GBE1: variants seen among roughly 807,000 people sequenced by gnomAD.
The protein encoded by GBE1 is 1,4-alpha-glucan-branching enzyme.
A neutral mutation model predicts 88.8 loss-of-function variants in GBE1; 70 were observed. The observed-to-expected ratio is 0.79, with a 90% CI of 0.65 to 0.96. The LOEUF is 0.96. GBE1 is among the 40% of genes least tolerant of loss of function. The probability of loss-of-function intolerance (pLI) is 0.00; values close to 1 mark genes in which losing one functional copy is unlikely to be tolerated. For synonymous variants in GBE1, 284 were observed against 300.1 expected (o/e 0.95, Z 0.56); for missense variants, 872 against 871.0 (o/e 1.00, Z -0.01).
intron 12 of GBE1, among the ~76,000 whole-genome samples, chr3:81,541,437 T>C (rs1703141441): frequency 6.7e-6 from 1 of 150,322 alleles, no homozygotes; most frequent in Non-Finnish European, 1.5e-5. Flanking sequence ...ATAATGGTGA[T>C]GGGCTGCAAG....
At chr3:81,617,620 C>T (rs1704265840) in intron 7 of GBE1, among the ~76,000 whole-genome samples, 2 of 151,810 alleles carry the variant, frequency 1.3e-5, no homozygotes, top group African/African-American at 4.8e-5. Flanking sequence ...ATTGTATTTG[C>T]TAATATCTTG....
intron 7 of GBE1, among the ~76,000 whole-genome samples, chr3:81,630,018 C>T (rs1365383385): frequency 1.3e-5 from 2 of 152,076 alleles, no homozygotes; most frequent in Non-Finnish European, 2.9e-5. Context: ...TTTCCAGCTT[C>T]ATCCATGTCC....
At chr3:81,701,395 TGGCAAATCTGCCTTAGTTTTGGCAAAACA>T (rs1271751637) in intron 2 of GBE1, among the ~76,000 whole-genome samples, 22 of 152,276 alleles carry the variant, frequency 1.4e-4, no homozygotes, top group African/African-American at 5.3e-4. Context: ...AAAATGTGGA[TGGCAAATCTGCCTTAGTTTTGGCAAAACA>T]GACTATTTTA....
chr3:81,707,239 G>A (rs1256439771), intron 1 of GBE1, among the ~76,000 whole-genome samples: 1 of 151,802 alleles, frequency 6.6e-6, no homozygotes, highest in Non-Finnish European at 1.5e-5. Flanking sequence ...GCAGAAAAAG[G>A]CAACATTAAT....
chr3:81,668,653 T>C (rs1705147579), intron 3 of GBE1, among the ~76,000 whole-genome samples: 1 of 152,164 alleles, frequency 6.6e-6, no homozygotes, highest in Admixed American at 6.5e-5. Context: ...GGTCTAGTAA[T>C]GAGGTAATGA....
At chr3:81,598,669 A>G (rs902873628) in intron 7 of GBE1, among the ~76,000 whole-genome samples, 2 of 151,966 alleles carry the variant, frequency 1.3e-5, no homozygotes, top group African/African-American at 4.8e-5. Context: ...CTAGTAGTAG[A>G]TAACAGTATC....
At chr3:81,556,816 G>A (rs1425394181) in intron 12 of GBE1, among the ~76,000 whole-genome samples, 1 of 151,970 alleles carries the variant, frequency 6.6e-6, no homozygotes, top group Non-Finnish European at 1.5e-5. Context: ...TTTTTTAAAA[G>A]GCACAATGAT....
At chr3:81,505,647 T>C (rs1468187898) in intron 14 of GBE1, among the ~76,000 whole-genome samples, 1 of 152,196 alleles carries the variant, frequency 6.6e-6, no homozygotes, top group African/African-American at 2.4e-5. Context: ...TTCTCTAGTC[T>C]CTTTCCAAAT....
chr3:81,614,762 G>C (rs1395776395), intron 7 of GBE1, among the ~76,000 whole-genome samples: 1 of 152,194 alleles, frequency 6.6e-6, no homozygotes, highest in Non-Finnish European at 1.5e-5. Flanking sequence ...AGGAGGCTGA[G>C]GCAGGAGAAT....
At chr3:81,710,860 C>T (rs1384618164) in intron 1 of GBE1, among the ~76,000 whole-genome samples, 2 of 151,872 alleles carry the variant, frequency 1.3e-5, no homozygotes, top group East Asian at 1.9e-4. Flanking sequence ...CCATTTTTTT[C>T]CTGGAATAGA....
intron 7 of GBE1, among the ~76,000 whole-genome samples, chr3:81,611,937 A>C (rs536957470): frequency 1.3e-5 from 2 of 152,164 alleles, no homozygotes; most frequent in African/African-American, 4.8e-5. Context: ...GATATACTGA[A>C]GAAACACAAG....
intron 11 of GBE1, among the ~76,000 whole-genome samples, chr3:81,579,825 A>T (rs6785616): frequency 1.8e-4 from 27 of 151,986 alleles, no homozygotes; most frequent in Non-Finnish European, 2.5e-4. Context: ...ATTTAACATG[A>T]GTTTACTTCA....
intron 7 of GBE1, among the ~76,000 whole-genome samples, chr3:81,598,794 G>T (rs973426210): frequency 2.0e-5 from 3 of 151,536 alleles, no homozygotes; most frequent in African/African-American, 7.3e-5. Flanking sequence ...GAGATAAATT[G>T]TTCATTCAAC....
chr3:81,628,777 A>ATATATATATG (rs1553687067), intron 7 of GBE1, among the ~76,000 whole-genome samples: 9 of 133,698 alleles, frequency 6.7e-5, no homozygotes, highest in Admixed American at 6.5e-4. Context: ...ATATATATAT[A>ATATATATATG]TATATAGCAA....
At chr3:81,692,435 C>G (rs896047135) in intron 2 of GBE1, among the ~76,000 whole-genome samples, 2 of 152,110 alleles carry the variant, frequency 1.3e-5, no homozygotes, top group Non-Finnish European at 2.9e-5. Flanking sequence ...TGAATAAGGA[C>G]CTACCCCATC....
chr3:81,561,484 C>T (rs527710100), intron 12 of GBE1, among the ~76,000 whole-genome samples: 1 of 152,050 alleles, frequency 6.6e-6, no homozygotes, highest in East Asian at 1.9e-4. Flanking sequence ...TTTAGCAAGA[C>T]CTTATTTTTT....
intron 2 of GBE1, among the ~76,000 whole-genome samples, chr3:81,686,690 G>A (rs1705446790): frequency 6.6e-6 from 1 of 152,148 alleles, no homozygotes. Flanking sequence ...GGGAGGCAGA[G>A]GTTGTGGTGA....
At chr3:81,680,217 G>C (rs1372262159) in intron 2 of GBE1, among the ~76,000 whole-genome samples, 3 of 152,120 alleles carry the variant, frequency 2.0e-5, no homozygotes, top group Non-Finnish European at 2.9e-5. Context: ...TTTTCGGCTG[G>C]GTGCAGTGGC....
intron 1 of GBE1, among the ~76,000 whole-genome samples, chr3:81,759,413 T>C (rs558786525): frequency 1.1e-4 from 17 of 152,234 alleles, no homozygotes; most frequent in Admixed American, 2.0e-4. Context: ...GGTTATGTAT[T>C]TGTGTTAGGC....
Sources: allele counts gnomAD v4.1 joint callset (sites outside exome capture counted in the v4.1 genomes callset), GRCh38; gene constraint gnomAD v4.1.1; transcripts MANE v1.5; gene names NCBI Gene and HGNC (gene_info 2026-07-23, HGNC 2026-07-21).